Variants in SLC71A1 observed in about 807,000 individuals in gnomAD.
SLC71A1 encodes solute carrier family 71 member 1, also known as hippocampus abundant gene transcript 1.
the SLC71A1 span, chr1:100,080,736 G>T: frequency 8.0e-7 from 1 of 1,250,638 alleles, no homozygotes; most frequent in African/African-American, 1.5e-5. Context: ...GGTCATGAAA[G>T]CTTTTATGTG....
At chr1:100,042,857 G>T in the SLC71A1 span, among the ~76,000 whole-genome samples, 1 of 152,040 alleles carries the variant, frequency 6.6e-6, no homozygotes, top group Admixed American at 6.6e-5. Flanking sequence ...TGATCCACCT[G>T]CCTCAGTCTT....
chr1:100,053,049 G>A, the SLC71A1 span, among the ~76,000 whole-genome samples: 1 of 152,196 alleles, frequency 6.6e-6, no homozygotes, highest in Non-Finnish European at 1.5e-5. Flanking sequence ...CTCCCAGAGT[G>A]TTGGGATTAC....
the SLC71A1 span, chr1:100,058,712 TAATTC>T: frequency 6.3e-7 from 1 of 1,581,544 alleles, no homozygotes; most frequent in Non-Finnish European, 8.7e-7. Context: ...ATGAACGGCT[TAATTC>T]AAGGAGTAAA....
the SLC71A1 span, chr1:100,049,951 G>C: frequency 3.7e-6 from 6 of 1,610,272 alleles, no homozygotes; most frequent in Non-Finnish European, 5.1e-6. Context: ...TGCAGTTATC[G>C]TCATCTTTTT....
At chr1:100,048,041 T>A in the SLC71A1 span, among the ~76,000 whole-genome samples, 1 of 152,180 alleles carries the variant, frequency 6.6e-6, no homozygotes, top group Non-Finnish European at 1.5e-5. Context: ...ACCCTACCTA[T>A]ACATGTTATA....
chr1:100,079,323 A>G, the SLC71A1 span: 3 of 151,564 alleles, frequency 2.0e-5, no homozygotes, highest in Admixed American at 6.6e-5. Context: ...TCATCTGAAG[A>G]TATGTAACAC....
chr1:100,059,549 A>T, the SLC71A1 span, among the ~76,000 whole-genome samples: 6 of 150,278 alleles, frequency 4.0e-5, no homozygotes, highest in East Asian at 1.9e-4. Flanking sequence ...TTTATGTTTT[A>T]TATATATATA....
the SLC71A1 span, among the ~76,000 whole-genome samples, chr1:100,054,601 A>T: frequency 2.6e-3 from 398 of 152,226 alleles, no homozygotes; most frequent in African/African-American, 9.1e-3. Context: ...CATGTTACGG[A>T]ACACTCAAAA....
At chr1:100,044,121 A>G in the SLC71A1 span, among the ~76,000 whole-genome samples, 1 of 152,198 alleles carries the variant, frequency 6.6e-6, no homozygotes, top group East Asian at 1.9e-4. Flanking sequence ...TCTTTAAGGA[A>G]TCGCCATACT....
chr1:100,066,641 AG>A, the SLC71A1 span, among the ~76,000 whole-genome samples: 1 of 152,164 alleles, frequency 6.6e-6, no homozygotes, highest in Non-Finnish European at 1.5e-5. Flanking sequence ...GCAGTCAAGG[AG>A]GGGTGTTTGT....
chr1:100,078,524 C>T, the SLC71A1 span: 1 of 1,613,160 alleles, frequency 6.2e-7, no homozygotes, highest in Non-Finnish European at 8.5e-7. Context: ...ACTTGTTTCA[C>T]GAACTGCTGA....
the SLC71A1 span, chr1:100,082,918 ATTC>A: frequency 6.6e-6 from 1 of 152,584 alleles, no homozygotes; most frequent in Non-Finnish European, 1.5e-5. Flanking sequence ...TTATACCACT[ATTC>A]TTTTAATGTT....
chr1:100,076,671 T>C, the SLC71A1 span, among the ~76,000 whole-genome samples: 1 of 152,232 alleles, frequency 6.6e-6, no homozygotes, highest in Non-Finnish European at 1.5e-5. Context: ...TATACTGCAT[T>C]TATCCCAAAT....
At chr1:100,068,066 C>G in the SLC71A1 span, 1 of 1,614,142 alleles carries the variant, frequency 6.2e-7, no homozygotes, top group East Asian at 2.2e-5. Context: ...TGGTGGTGGT[C>G]TTAGCTACAG....
chr1:100,040,441 GACT>G, the SLC71A1 span, among the ~76,000 whole-genome samples: 1 of 152,194 alleles, frequency 6.6e-6, no homozygotes, highest in South Asian at 2.1e-4. Context: ...CAATAGTTCA[GACT>G]ACTATTATGA....
At chr1:100,058,799 A>C in the SLC71A1 span, 1 of 760,042 alleles carries the variant, frequency 1.3e-6, no homozygotes. Flanking sequence ...ATGAACATAC[A>C]TAAATACATA....
the SLC71A1 span, among the ~76,000 whole-genome samples, chr1:100,038,877 C>T: frequency 2.6e-5 from 4 of 152,358 alleles, no homozygotes; most frequent in East Asian, 7.7e-4. Flanking sequence ...TAAACCCTGA[C>T]CGGAGATGGG....
At chr1:100,068,204 A>G in the SLC71A1 span, 2 of 1,608,078 alleles carry the variant, frequency 1.2e-6, no homozygotes, top group Non-Finnish European at 1.7e-6. Flanking sequence ...CGGTAAGTTT[A>G]TACTTTTTCC....
At chr1:100,064,535 A>G in the SLC71A1 span, among the ~76,000 whole-genome samples, 4 of 152,242 alleles carry the variant, frequency 2.6e-5, 1 homozygote, top group Admixed American at 2.0e-4. Context: ...ATCTGTCCCC[A>G]TGCTCCACCT....
Sources: allele counts gnomAD v4.1 joint callset (sites outside exome capture counted in the v4.1 genomes callset), GRCh38; gene constraint gnomAD v4.1.1; transcripts MANE v1.5; gene names NCBI Gene and HGNC (gene_info 2026-07-23, HGNC 2026-07-21).